YME1L1: variants seen among roughly 807,000 people sequenced by gnomAD.
YME1L1 encodes ATP-dependent zinc metalloprotease YME1L1.
In YME1L1, 39 loss-of-function variants were observed where a neutral mutation model predicts 90.4. The ratio of observed to expected loss-of-function variants is 0.43; its 90% CI spans 0.33 to 0.56. The LOEUF (loss-of-function observed/expected upper bound fraction) is 0.56, where lower values mean the gene tolerates loss of function less well. YME1L1 is among the 20% of genes least tolerant of loss of function. The pLI is 0.03. For synonymous variants in YME1L1, 284 were observed against 287.3 expected (o/e 0.99, Z 0.12); for missense variants, 617 against 868.4 (o/e 0.71, Z 3.64).
chr10:27,149,028 G>A lies in YME1L1; in HGVS notation c.46C>T (p.Leu16=). The A allele has an allele frequency of 6.2e-7, 1 of 1,606,046 alleles. No homozygotes were observed. The highest frequency in any genetic ancestry group is 8.5e-7 in the Non-Finnish European group (1 of 1,177,808). Residue 16 remains leucine (L), a synonymous_variant, in exon 2 of 19, where the codon CTG becomes TTG. Transcript: ENST00000376016. ...STVQPQVTVP[L]SHLINAFHTP... is the part of the protein sequence containing the mutation. Reference sequence around the variant, plus strand: ...TGGAAGGCATTGATGAGATGACTCAGAGGAACTGTAACCTAGAAAAAGATA... The same window carrying A: ...TGGAAGGCATTGATGAGATGACTCAAAGGAACTGTAACCTAGAAAAAGATA...
At chr10:27,121,019 T>C (rs1269631607) in intron 12 of YME1L1, among the ~76,000 whole-genome samples, 1 of 152,202 alleles carries the variant, frequency 6.6e-6, no homozygotes, top group Non-Finnish European at 1.5e-5. Context: ...AAACCCTCTC[T>C]ACATACAACT....
intron 15 of YME1L1, among the ~76,000 whole-genome samples, chr10:27,116,627 T>C (rs554969026): frequency 6.6e-6 from 1 of 151,976 alleles, no homozygotes; most frequent in Non-Finnish European, 1.5e-5. Flanking sequence ...GATCATGCCA[T>C]TGCACTCTAG....
rs2057136736 is a variant in YME1L1 at position 27,145,643 on chromosome 10, C to T, written c.169-53G>A. The T allele has an allele frequency of 4.2e-6, 6 of 1,440,870 alleles. 1 individual carries two copies. The South Asian group carries it at 5.4e-5, about 13-fold the overall frequency. The allele number at this position is 1,440,870 out of a possible 1,614,324, so 89.3% of individuals were successfully genotyped here. A position where few individuals can be genotyped will look rare whatever the true frequency, so the allele number is the denominator to read the frequency against. On this transcript the variant is annotated intron_variant, in intron 2 of 18. Transcript: ENST00000376016. ...GCATTAATATTATCAAGATATTTAA[C>T]CTAAGGAGTACATATTATCAGTTAA...
At chr10:27,133,167 T>G (rs1275695855) in intron 7 of YME1L1, among the ~76,000 whole-genome samples, 19 of 152,238 alleles carry the variant, frequency 1.2e-4, no homozygotes. Flanking sequence ...ACTTTTCATG[T>G]AGTCTTCTTC....
At chr10:27,131,233 T>C (rs190084909) in intron 8 of YME1L1, among the ~76,000 whole-genome samples, 53 of 152,346 alleles carry the variant, frequency 3.5e-4, no homozygotes, top group African/African-American at 1.3e-3. Context: ...ACTTTTATTC[T>C]TTTAACATAC....
Position 27,110,176 on chromosome 10 carries a change from CAG to C in YME1L1, c.*1799_*1800del, listed in dbSNP as rs548559971. The C allele has an allele frequency of 2.0e-5, 3 of 152,156 alleles. No individual in the cohort carries two copies. The highest frequency in any genetic ancestry group is 2.0e-4 in the Admixed American group (3 of 15,280). The allele number at this position is 152,156 out of a possible 1,614,324, so 9.4% of individuals were successfully genotyped here. A position where few individuals can be genotyped will look rare whatever the true frequency, so the allele number is the denominator to read the frequency against. ...AACAAATATGTAAAAAAATTTAAGA[CAG>C]ATAAGACTTTATCAATATTTTATAC... On this transcript the variant is annotated 3_prime_UTR_variant, in exon 19 of 19. Transcript: ENST00000376016.
chr10:27,118,681 T>A lies in YME1L1; in HGVS notation c.1567+613A>T, dbSNP rs570402369. Among the ~76,000 whole-genome samples the A allele has an allele frequency of 3.3e-5, 5 of 152,326 alleles. No homozygotes were observed. In the South Asian group the frequency reaches 1.0e-3, roughly 32 times the overall value. Reference sequence around the variant, plus strand: ...AACCAAAACTGTCAAAACTATCATCTTAATTCAAAAGGGAAAACTTATTTC... The same window carrying A: ...AACCAAAACTGTCAAAACTATCATCATAATTCAAAAGGGAAAACTTATTTC... On this transcript the variant is annotated intron_variant, in intron 14 of 18. Transcript: ENST00000376016.
rs35090363 is a variant in YME1L1, at chr10:27,137,023, C to CAA, written c.431-640_431-639dup. ...TATCAACTCTGATAAACTGTGATTTCAAAAAAAAAAAAAAACCCAACCAAG... is the reference window on the plus strand; with the variant it reads ...TATCAACTCTGATAAACTGTGATTTCAAAAAAAAAAAAAAAAACCCAACCAAG... On this transcript the variant is annotated intron_variant, in intron 4 of 18. Coordinates refer to ENST00000376016, the MANE Select transcript of YME1L1 (RefSeq NM_014263.4). Among the ~76,000 whole-genome samples, 624 of 136,274 alleles carry CAA rather than the reference C, an allele frequency of 4.6e-3. 6 individuals carry two copies. The highest frequency in any genetic ancestry group is 0.014 in the East Asian group (66 of 4,824). 89.4% of individuals were successfully genotyped at this position (136,274 alleles called of 152,430 possible).
At chr10:27,119,751 GTAAGC>G (rs2056847757) in intron 13 of YME1L1, among the ~76,000 whole-genome samples, 1 of 151,188 alleles carries the variant, frequency 6.6e-6, no homozygotes, top group African/African-American at 2.4e-5. Flanking sequence ...GGAGGTTGCA[GTAAGC>G]CAAGATTGTG....
At chr10:27,143,593 G>C (rs1236903611) in intron 3 of YME1L1, among the ~76,000 whole-genome samples, 1 of 151,460 alleles carries the variant, frequency 6.6e-6, no homozygotes, top group East Asian at 1.9e-4. Context: ...AGCTGCTCGG[G>C]AGGCTGAGGC....
At chr10:27,153,407 C>T (rs1042655027) in intron 1 of YME1L1, 44 of 330,656 alleles carry the variant, frequency 1.3e-4, no homozygotes, top group African/African-American at 8.4e-4. Context: ...TTTAAAAAAA[C>T]TCAATGTTTT....
intron 15 of YME1L1, 67 bp downstream of exon 15, chr10:27,117,509 A>C: frequency 6.6e-7 from 1 of 1,513,004 alleles, no homozygotes; most frequent in African/African-American, 1.4e-5. Context: ...CAGAGGTTGC[A>C]GTGAGCTGAG....
In YME1L1 at chr10:27,119,385, A is replaced by T. The variant is rs765779072; in HGVS notation, c.1476T>A (p.Leu492=). 1 of 1,613,822 alleles carries T rather than the reference A, an allele frequency of 6.2e-7. No individual in the cohort carries two copies. The highest frequency in any genetic ancestry group is 1.7e-5 in the Admixed American group (1 of 59,980). The change falls in exon 14 of 19, where the codon CTT becomes CTA. Residue 492 remains leucine, a synonymous_variant. Coordinates refer to ENST00000376016, the MANE Select transcript of YME1L1 (RefSeq NM_014263.4). The part of the protein sequence containing the change: ...VGFSGAELEN[L]VNQAALKAAV... ...CTGCTTTTAATGCAGCCTGGTTCAC[A>T]AGATTCTCCAACTCTGCTCCGGAAA... is the stretch of plus-strand genomic sequence containing the variant.
chr10:27,133,268 G>C (rs7921311), intron 7 of YME1L1, among the ~76,000 whole-genome samples: 36,688 of 151,798 alleles, frequency 0.24, 4,986 homozygotes, highest in East Asian at 0.56. Context: ...TCTGATAGGA[G>C]AGTAAAATAT....
Position 27,136,421 on chromosome 10 carries a change from T to C in YME1L1, c.431-36A>G, listed in dbSNP as rs1016186830. 2.6e-6 allele frequency: 4 copies of C among 1,548,888 alleles called. No homozygotes were observed. In the African/African-American group the frequency reaches 5.5e-5, roughly 21 times the overall value. ...CAATACCATTCACTGTCACTATAAATTGTTACAGGAAAAGAAAAATGCCTA... is the reference window on the plus strand; with the variant it reads ...CAATACCATTCACTGTCACTATAAACTGTTACAGGAAAAGAAAAATGCCTA... On this transcript the variant is annotated intron_variant, in intron 4 of 18. Coordinates refer to ENST00000376016, the MANE Select transcript of YME1L1 (RefSeq NM_014263.4).
intron 18 of YME1L1, 53 bp downstream of exon 18, chr10:27,114,468 T>C: frequency 6.9e-7 from 1 of 1,443,996 alleles, no homozygotes; most frequent in Non-Finnish European, 9.6e-7. Context: ...AGAACCTGAC[T>C]ATTTAAGCAC....
At chr10:27,121,995 C>G (rs1310082108) in intron 11 of YME1L1, among the ~76,000 whole-genome samples, 1 of 152,102 alleles carries the variant, frequency 6.6e-6, no homozygotes, top group Non-Finnish European at 1.5e-5. Context: ...CTCAGCCTCC[C>G]AAAGTGCTAG....
intron 4 of YME1L1, among the ~76,000 whole-genome samples, chr10:27,137,220 T>C (rs1419822451): frequency 6.6e-6 from 1 of 152,240 alleles, no homozygotes; most frequent in African/African-American, 2.4e-5. Flanking sequence ...CTTGTATGCA[T>C]GCACACAGGT....
rs781374636 is a variant in YME1L1, at chr10:27,145,561, T to C, written c.198A>G (p.Leu66=). 3 of 1,613,196 alleles carry C rather than the reference T, an allele frequency of 1.9e-6. No individual in the cohort carries two copies. The highest frequency in any genetic ancestry group is 2.7e-5 in the African/African-American group (2 of 74,912). ...CAATCTGTCCAATTTTTAGTTCAGA[T>C]AATCCAAGGTCCCTTAAGTTAAGTG... ...EPSLNLRDLG[L]SELKIGQIDQ... is the part of the protein sequence containing the mutation. The change falls in exon 3 of 19, where the codon TTA becomes TTG. Residue 66 remains leucine (L), a synonymous_variant. Transcript: ENST00000376016.
Sources: gnomAD v4.1 joint callset for allele counts (sites outside exome capture counted in the v4.1 genomes callset) on GRCh38, gnomAD v4.1.1 for gene constraint, MANE v1.5 for transcripts, NCBI Gene and HGNC (gene_info 2026-07-23, HGNC 2026-07-21) for gene names.